The following RAI1 variants were observed in gnomAD, a reference collection of about 807,000 sequenced individuals.
The protein encoded by RAI1 is retinoic acid induced 1.
In RAI1, 9 loss-of-function variants were observed where a neutral mutation model predicts 123.8. That is an observed-to-expected ratio of 0.07 (90% CI 0.04 to 0.13). The LOEUF (loss-of-function observed/expected upper bound fraction) is 0.13. RAI1 is among the 10% of genes least tolerant of loss of function. RAI1 has a pLI of 1.00. For synonymous variants in RAI1, 1,231 were observed against 1,127.3 expected (o/e 1.09, Z -1.84); for missense variants, 2,256 against 2,545.8 (o/e 0.89, Z 2.45).
rs191943730 is a variant in RAI1, at chr17:17,783,827, T to G, written c.-16-9106T>G. 1.6e-3 allele frequency among the ~76,000 whole-genome samples: 247 copies of G among 152,202 alleles called. 1 individual carries two copies. Among genetic ancestry groups the G allele is most frequent in the Non-Finnish European group, 2.6e-3 (177 of 67,998 alleles). ...ATGGCCTAGTCGCAGACCCTAATTG[T>G]CAGAGCCGGCCCCGCTTCGTTTCAA... On this transcript the variant is annotated intron_variant, in intron 2 of 5. Coordinates refer to ENST00000353383, the MANE Select transcript of RAI1 (RefSeq NM_030665.4).
At chr17:17,682,169 A>C (rs1052547390) in intron 1 of RAI1, among the ~76,000 whole-genome samples, 4 of 138,492 alleles carry the variant, frequency 2.9e-5, no homozygotes, top group African/African-American at 1.1e-4. Flanking sequence ...CGTGGGGTGC[A>C]TTCGCGGGGC....
In RAI1 at chr17:17,700,173, T is replaced by G. The variant is rs760292565; in HGVS notation, c.-149+18380T>G. ...CTAGGCCTCAGTTTCCTCAGCTGCT[T>G]CTTTGGGAAAGCACATCTGCTCTCT... On this transcript the variant is annotated intron_variant, in intron 1 of 5. Transcript: ENST00000353383. Among the ~76,000 whole-genome samples, 13 of 152,354 alleles carry G rather than the reference T, an allele frequency of 8.5e-5. No homozygotes were observed. In the East Asian group the frequency reaches 1.4e-3, roughly 16 times the overall value.
intron 1 of RAI1, among the ~76,000 whole-genome samples, chr17:17,701,750 C>A (rs963717871): frequency 3.9e-5 from 6 of 152,202 alleles, no homozygotes; most frequent in African/African-American, 1.4e-4. Context: ...TGTGCACCAC[C>A]ATGCCTGGTT....
intron 1 of RAI1, among the ~76,000 whole-genome samples, chr17:17,702,970 A>T (rs1915275900): frequency 6.6e-6 from 1 of 152,176 alleles, no homozygotes; most frequent in Admixed American, 6.5e-5. Flanking sequence ...AGACGTGAGG[A>T]GGTGGGGCCC....
intron 2 of RAI1, among the ~76,000 whole-genome samples, chr17:17,764,123 T>C (rs2030819257): frequency 6.6e-6 from 1 of 152,344 alleles, no homozygotes; most frequent in South Asian, 2.1e-4. Context: ...TATTTGGTGG[T>C]GGTGCCGACA....
intron 3 of RAI1, among the ~76,000 whole-genome samples, chr17:17,803,149 C>CT (rs1242424864): frequency 6.6e-6 from 1 of 151,118 alleles, no homozygotes; most frequent in Non-Finnish European, 1.5e-5. Context: ...CCCAGCACAC[C>CT]AGAAGCATGC....
At chr17:17,771,788 C>G (rs181415334) in intron 2 of RAI1, among the ~76,000 whole-genome samples, 1 of 152,226 alleles carries the variant, frequency 6.6e-6, no homozygotes, top group Admixed American at 6.5e-5. Flanking sequence ...CCCCAGCACC[C>G]GCCTTTCATC....
intron 2 of RAI1, among the ~76,000 whole-genome samples, chr17:17,726,822 G>A (rs185277771): frequency 2.0e-5 from 3 of 152,230 alleles, no homozygotes; most frequent in Admixed American, 6.5e-5. Flanking sequence ...TTTTCGACTC[G>A]GTGGTTGGTT....
intron 2 of RAI1, among the ~76,000 whole-genome samples, chr17:17,741,565 C>G (rs569928368): frequency 6.6e-6 from 1 of 152,380 alleles, no homozygotes; most frequent in South Asian, 2.1e-4. Flanking sequence ...CCTCCCTCAG[C>G]TGGCTCTGTC....
chr17:17,752,288 C>G (rs994660164), intron 2 of RAI1, among the ~76,000 whole-genome samples: 3 of 152,360 alleles, frequency 2.0e-5, no homozygotes, highest in Admixed American at 2.0e-4. Flanking sequence ...CATGCCCCAG[C>G]CCCCAGCCCG....
Position 17,798,075 on chromosome 17 carries a change from A to G in RAI1, c.5127A>G (p.Glu1709=), listed in dbSNP as rs747378761. The change falls in exon 3 of 6, where the codon GAA becomes GAG. Residue 1709 remains glutamate, a synonymous_variant. Transcript: ENST00000353383. ...LGDLCGPYYP[E]HCLPKKKPKL... ...ACCTCTGTGGGCCCTACTACCCTGA[A>G]CACTGCCTCCCCAAAAAGAAGCCAA... The G allele has an allele frequency of 2.4e-5, 38 of 1,613,900 alleles. No individual in the cohort carries two copies. Among genetic ancestry groups the G allele is most frequent in the Non-Finnish European group, 3.2e-5 (38 of 1,180,032 alleles).
intron 1 of RAI1, among the ~76,000 whole-genome samples, chr17:17,707,503 T>G (rs1313786261): frequency 6.6e-6 from 1 of 151,938 alleles, no homozygotes; most frequent in Non-Finnish European, 1.5e-5. Context: ...AGTGCAAAGG[T>G]CCTGAGGCAG....
intron 3 of RAI1, among the ~76,000 whole-genome samples, chr17:17,803,128 C>G (rs915861953): frequency 1.3e-5 from 2 of 148,186 alleles, no homozygotes; most frequent in Non-Finnish European, 3.0e-5. Context: ...TGGGCAAGGA[C>G]ACACACCACG....
chr17:17,771,789 G>A (rs1417471937), intron 2 of RAI1, among the ~76,000 whole-genome samples: 3 of 152,142 alleles, frequency 2.0e-5, no homozygotes, highest in East Asian at 3.8e-4. Flanking sequence ...CCCAGCACCC[G>A]CCTTTCATCC....
chr17:17,698,574 C>T (rs9890330), intron 1 of RAI1, among the ~76,000 whole-genome samples: 4,841 of 152,282 alleles, frequency 0.032, 119 homozygotes, highest in African/African-American at 0.067. Context: ...CTTTGCAGAC[C>T]GGAGGTGAGG....
At chr17:17,738,733 G>A (rs1046637327) in intron 2 of RAI1, among the ~76,000 whole-genome samples, 5 of 152,224 alleles carry the variant, frequency 3.3e-5, no homozygotes, top group African/African-American at 9.7e-5. Context: ...TGTACTCACT[G>A]GACCCTGATG....
At chr17:17,751,657 G>A (rs919174697) in intron 2 of RAI1, among the ~76,000 whole-genome samples, 10 of 152,166 alleles carry the variant, frequency 6.6e-5, no homozygotes, top group African/African-American at 2.4e-4. Flanking sequence ...TACTGCCTTG[G>A]GCCTTTGCAC....
At chr17:17,734,478 T>C (rs938710231) in intron 2 of RAI1, among the ~76,000 whole-genome samples, 1 of 151,890 alleles carries the variant, frequency 6.6e-6, no homozygotes, top group East Asian at 1.9e-4. Context: ...GTTAAGGAGG[T>C]TCCAGTTAAT....
intron 2 of RAI1, among the ~76,000 whole-genome samples, chr17:17,746,354 T>C (rs2029917294): frequency 6.6e-6 from 1 of 152,218 alleles, no homozygotes; most frequent in African/African-American, 2.4e-5. Context: ...AGGAAACATC[T>C]GTTCAGTCCT....
Sources: gnomAD v4.1 joint callset for allele counts (sites outside exome capture counted in the v4.1 genomes callset) on GRCh38, gnomAD v4.1.1 for gene constraint, MANE v1.5 for transcripts, NCBI Gene and HGNC (gene_info 2026-07-23, HGNC 2026-07-21) for gene names.